Variants in CRISPLD2 observed in about 807,000 individuals in gnomAD.
CRISPLD2 encodes the protein cysteine-rich secretory protein LCCL domain-containing 2.
Under a neutral mutation model 71.1 loss-of-function variants are expected in CRISPLD2, and 47 were observed. The observed-to-expected ratio is 0.66, with a 90% CI of 0.52 to 0.84. CRISPLD2 has a LOEUF of 0.84. Among genes scored for constraint, CRISPLD2 ranks in the 40% least tolerant of loss-of-function variants. The pLI is 0.00. For missense variants in CRISPLD2, 830 were observed against 651.1 expected (o/e 1.27, Z -2.99); for synonymous variants, 317 against 250.1 (o/e 1.27, Z -2.52).
intron 14 of CRISPLD2, among the ~76,000 whole-genome samples, chr16:84,905,886 T>G (rs2071797770): frequency 6.6e-6 from 1 of 151,724 alleles, no homozygotes; most frequent in Non-Finnish European, 1.5e-5. Context: ...ATTTTTGTAT[T>G]TTTCGTAGAG....
In CRISPLD2 at chr16:84,906,569, TCTTTC is replaced by T; in HGVS notation, c.1440-18_1440-14del. 6.2e-7 allele frequency: 1 copy of T among 1,611,842 alleles called. No individual in the cohort carries two copies. On this transcript the variant is annotated splice_polypyrimidine_tract_variant and intron_variant, in intron 14 of 14. Coordinates refer to ENST00000262424, the MANE Select transcript of CRISPLD2 (RefSeq NM_031476.4). ...CTCCAGATCTCTCAGTAACGGGCCC[TCTTTC>T]TTCTTTTTTTCAGCCTGGGGACTCC...
intron 2 of CRISPLD2, among the ~76,000 whole-genome samples, chr16:84,840,623 C>G (rs1046917270): frequency 5.9e-5 from 9 of 152,204 alleles, no homozygotes; most frequent in African/African-American, 2.2e-4. Flanking sequence ...TCTCCTGACT[C>G]TGCCTCCTGA....
Position 84,877,648 on chromosome 16 carries a change from G to A in CRISPLD2, c.1229+138G>A, listed in dbSNP as rs1334179871. ...GTGGATCACTTGAGGCCAGGAGTTCGTGACCAGCCTGGCCAACATGGTGAA... is the reference window on the plus strand; with the variant it reads ...GTGGATCACTTGAGGCCAGGAGTTCATGACCAGCCTGGCCAACATGGTGAA... On this transcript the variant is annotated intron_variant, in intron 12 of 14. Transcript: ENST00000262424. 2.3e-5 allele frequency: 14 copies of A among 598,758 alleles called. No individual in the cohort carries two copies. In the East Asian group the frequency reaches 2.5e-4, roughly 11 times the overall value. The allele number at this position is 598,758 out of a possible 1,614,324, so 37.1% of individuals were successfully genotyped here.
At chr16:84,897,685 C>T (rs998846762) in intron 14 of CRISPLD2, among the ~76,000 whole-genome samples, 1 of 152,082 alleles carries the variant, frequency 6.6e-6, no homozygotes, top group African/African-American at 2.4e-5. Flanking sequence ...GGCTTGACCT[C>T]GGCTCATTGC....
chr16:84,833,872 C>A (rs1283548574), intron 1 of CRISPLD2, among the ~76,000 whole-genome samples: 2 of 152,182 alleles, frequency 1.3e-5, no homozygotes, highest in Admixed American at 1.3e-4. Flanking sequence ...GCCCAGCAGC[C>A]TTCCCAGGAG....
chr16:84,824,245 G>C (rs1331845706), intron 1 of CRISPLD2, among the ~76,000 whole-genome samples: 5 of 152,198 alleles, frequency 3.3e-5, no homozygotes, highest in Non-Finnish European at 7.3e-5. Flanking sequence ...TGTAGTCTAC[G>C]AGCCAGGCTC....
At chr16:84,892,655 C>T (rs1374529962) in intron 14 of CRISPLD2, among the ~76,000 whole-genome samples, 2 of 152,038 alleles carry the variant, frequency 1.3e-5, no homozygotes, top group Admixed American at 1.3e-4. Context: ...AGATTTTATA[C>T]CCTTGATTCT....
chr16:84,866,974 G>C lies in CRISPLD2; in HGVS notation c.787G>C (p.Val263Leu), dbSNP rs1458330703. 1 of 1,614,082 alleles carries C rather than the reference G, an allele frequency of 6.2e-7. No individual in the cohort carries two copies. The highest frequency in any genetic ancestry group is 1.1e-5 in the South Asian group (1 of 91,078). ...ETAPIPEENH[V>L]WLQPRVMRPT... ...GGCTCCCATTCCTGAAGAAAACCAT[G>C]TTTGGCTCCAACCGAGGGTGATGAG... Residue 263 changes from valine (V) to leucine (L), a missense_variant, in exon 7 of 15, where the codon GTT becomes CTT. Coordinates refer to ENST00000262424, the MANE Select transcript of CRISPLD2 (RefSeq NM_031476.4).
intron 5 of CRISPLD2, among the ~76,000 whole-genome samples, chr16:84,851,684 G>A (rs768142898): frequency 6.6e-6 from 1 of 152,208 alleles, no homozygotes; most frequent in Non-Finnish European, 1.5e-5. Context: ...AGGGACGCAG[G>A]CACCATGCAA....
chr16:84,847,434 A>G (rs556975651), intron 3 of CRISPLD2, among the ~76,000 whole-genome samples: 7 of 152,198 alleles, frequency 4.6e-5, no homozygotes, highest in South Asian at 2.1e-4. Flanking sequence ...GGCAGAATAC[A>G]AGGTCAGGAG....
chr16:84,900,278 C>T (rs989610544), intron 14 of CRISPLD2, among the ~76,000 whole-genome samples: 11 of 152,142 alleles, frequency 7.2e-5, no homozygotes, highest in African/African-American at 1.9e-4. Flanking sequence ...GAATTCCAAG[C>T]GGCCTGCTCT....
intron 14 of CRISPLD2, among the ~76,000 whole-genome samples, chr16:84,899,995 C>T (rs2071739186): frequency 6.6e-6 from 1 of 152,138 alleles, no homozygotes; most frequent in Non-Finnish European, 1.5e-5. Flanking sequence ...TCAGGGAAAT[C>T]TTACATCCCC....
At chr16:84,851,843 CTTA>C (rs1917098713) in intron 5 of CRISPLD2, among the ~76,000 whole-genome samples, 1 of 152,196 alleles carries the variant, frequency 6.6e-6, no homozygotes, top group South Asian at 2.1e-4. Flanking sequence ...CCCCTGCTTC[CTTA>C]AAAGAAGGAA....
chr16:84,873,235 T>C, intron 10 of CRISPLD2, 113 bp downstream of exon 10: 1 of 1,272,426 alleles, frequency 7.9e-7, no homozygotes, highest in South Asian at 1.5e-5. Flanking sequence ...ACCTGCACTT[T>C]GGGAGGCAGA....
intron 14 of CRISPLD2, among the ~76,000 whole-genome samples, chr16:84,903,422 T>A (rs1394144941): frequency 6.6e-6 from 1 of 152,016 alleles, no homozygotes; most frequent in African/African-American, 2.4e-5. Context: ...TGACACCCCA[T>A]CTCTACAAAA....
At chr16:84,878,655 C>T (rs996022895) in intron 12 of CRISPLD2, among the ~76,000 whole-genome samples, 1 of 152,286 alleles carries the variant, frequency 6.6e-6, no homozygotes, top group Non-Finnish European at 1.5e-5. Flanking sequence ...TAAAGGGTGT[C>T]CTGGGAACAG....
chr16:84,896,990 A>G (rs1230190893), intron 14 of CRISPLD2, among the ~76,000 whole-genome samples: 1 of 152,100 alleles, frequency 6.6e-6, no homozygotes, highest in Non-Finnish European at 1.5e-5. Context: ...GGTGATGCCA[A>G]AAGGCAAGCT....
intron 4 of CRISPLD2, among the ~76,000 whole-genome samples, chr16:84,849,721 C>T (rs111732832): frequency 0.1 from 15,378 of 151,106 alleles, 878 homozygotes; most frequent in Admixed American, 0.17. Context: ...ACTACAAACT[C>T]TTTTTTTTCT....
intron 3 of CRISPLD2, among the ~76,000 whole-genome samples, chr16:84,846,906 G>T (rs562102432): frequency 2.6e-5 from 4 of 152,188 alleles, no homozygotes; most frequent in Non-Finnish European, 5.9e-5. Context: ...CCATGTATCC[G>T]TGCTCCCAAA....
Sources: gnomAD v4.1 joint callset for allele counts (sites outside exome capture counted in the v4.1 genomes callset) on GRCh38, gnomAD v4.1.1 for gene constraint, MANE v1.5 for transcripts, NCBI Gene and HGNC (gene_info 2026-07-23, HGNC 2026-07-21) for gene names.